Variants in TMC7 observed in about 807,000 individuals in gnomAD.
The protein encoded by TMC7 is transmembrane channel-like protein 7.
A neutral mutation model predicts 82.9 loss-of-function variants in TMC7; 54 were observed. The observed-to-expected ratio is 0.65, with a 90% confidence interval of 0.52 to 0.82. The LOEUF (loss-of-function observed/expected upper bound fraction) is 0.82. TMC7 is among the 40% of genes least tolerant of loss of function. The probability of loss-of-function intolerance (pLI) is 0.00; values close to 1 mark genes in which losing one functional copy is unlikely to be tolerated. For synonymous variants in TMC7, 350 were observed against 337.9 expected (o/e 1.04, Z -0.39); for missense variants, 820 against 901.2 (o/e 0.91, Z 1.15).
chr16:18,991,988 G>GTCTAT (rs112973285), intron 1 of TMC7, among the ~76,000 whole-genome samples: 4,842 of 152,208 alleles, frequency 0.032, 249 homozygotes, highest in African/African-American at 0.11. Flanking sequence ...TCTTAATCCA[G>GTCTAT]TCTATCATTG....
chr16:18,994,362 G>A (rs975298429), intron 1 of TMC7, among the ~76,000 whole-genome samples: 2 of 151,974 alleles, frequency 1.3e-5, no homozygotes, highest in Non-Finnish European at 2.9e-5. Context: ...TGGACAGAAA[G>A]GCTACAGGGC....
At chr16:18,989,284 G>T (rs1767201476) in intron 1 of TMC7, among the ~76,000 whole-genome samples, 1 of 152,114 alleles carries the variant, frequency 6.6e-6, no homozygotes, top group African/African-American at 2.4e-5. Flanking sequence ...TTGCAGGCTG[G>T]ATTCGTTCTC....
intron 1 of TMC7, among the ~76,000 whole-genome samples, chr16:18,985,256 C>CAAA (rs5816022): frequency 1.5e-5 from 2 of 134,336 alleles, no homozygotes; most frequent in African/African-American, 5.9e-5. Context: ...AAGACTGTTT[C>CAAA]AAAAAAAAAA....
At chr16:18,984,258 T>C (rs2142098814) in intron 1 of TMC7, 128 bp downstream of exon 1, 2 of 1,340,522 alleles carry the variant, frequency 1.5e-6, no homozygotes, top group Non-Finnish European at 1.9e-6. Flanking sequence ...TGCTCCCGGC[T>C]CTGGGGAACA....
At chr16:19,017,466 A>G (rs1419573447) in intron 3 of TMC7, among the ~76,000 whole-genome samples, 2 of 151,116 alleles carry the variant, frequency 1.3e-5, no homozygotes, top group Non-Finnish European at 2.9e-5. Context: ...TTATTTTAAA[A>G]TGTTATACTT....
At chr16:18,984,400 T>C in intron 1 of TMC7, 1 of 1,257,478 alleles carries the variant, frequency 8.0e-7, no homozygotes, top group Admixed American at 4.4e-5. Context: ...GTCTTCCAGC[T>C]GTTGACCGAG....
At chr16:19,015,004 C>A (rs9930066) in intron 2 of TMC7, among the ~76,000 whole-genome samples, 73,175 of 151,450 alleles carry the variant, frequency 0.48, 20,585 homozygotes, top group East Asian at 0.74. Context: ...CGCTCTGTCA[C>A]CCAGGCTGGA....
chr16:18,984,159 C>G lies in TMC7; in HGVS notation c.67+29C>G, dbSNP rs571719469. ...GGGCGGCAGGGAGCGCGCGCGGGGA[C>G]GGTGCCCCTGGGGTCCGAGGGCGCA... On this transcript the variant is annotated intron_variant, in intron 1 of 15. Transcript: ENST00000304381. 39 of 1,485,280 alleles carry G rather than the reference C, an allele frequency of 2.6e-5. No homozygotes were observed. The African/African-American group carries it at 3.1e-4, about 12-fold the overall frequency. 92.0% of individuals were successfully genotyped at this position (1,485,280 alleles called of 1,614,324 possible).
rs1962036951 is a variant in TMC7 at position 19,062,186 on chromosome 16, G to A, written c.*343G>A. 4.5e-6 allele frequency: 1 copy of A among 221,850 alleles called. No homozygotes were observed. The highest frequency in any genetic ancestry group is 2.3e-5 in the African/African-American group (1 of 44,108). 13.7% of individuals were successfully genotyped at this position (221,850 alleles called of 1,614,324 possible). On this transcript the variant is annotated 3_prime_UTR_variant, in exon 16 of 16. Transcript: ENST00000304381. ...GAGTTTATGTGCACAAGTGTTTTGG[G>A]TTGTGGACTGAAGCTCAGCCTGTTA... is the stretch of plus-strand genomic sequence containing the variant.
rs1336230782 is a variant in TMC7 at position 19,063,413 on chromosome 16, C to T, written c.*1570C>T. On this transcript the variant is annotated 3_prime_UTR_variant, in exon 16 of 16. Transcript: ENST00000304381. ...ACTAAAAGTACAAAAATTAGCCAGG[C>T]ATGGTGGCGTGTGCCTGTAATCCCA... The T allele has an allele frequency of 1.3e-5, 2 of 152,188 alleles. No homozygotes were observed. The highest frequency in any genetic ancestry group is 2.9e-5 in the Non-Finnish European group (2 of 68,112). 9.4% of individuals were successfully genotyped at this position (152,188 alleles called of 1,614,324 possible).
chr16:18,993,326 G>A (rs1466895117), intron 1 of TMC7, among the ~76,000 whole-genome samples: 1 of 152,308 alleles, frequency 6.6e-6, no homozygotes. Context: ...GAAATGAGAA[G>A]TTTTAAGAGG....
chr16:19,047,338 C>A, intron 12 of TMC7, 89 bp downstream of exon 12: 2 of 1,078,872 alleles, frequency 1.9e-6, no homozygotes, highest in South Asian at 1.7e-5. Flanking sequence ...CCTCACATCC[C>A]ATGAGACGTA....
chr16:18,984,164 C>G, intron 1 of TMC7, 34 bp downstream of exon 1: 1 of 1,475,422 alleles, frequency 6.8e-7, no homozygotes, highest in Non-Finnish European at 8.9e-7. Context: ...GGGGACGGTG[C>G]CCCTGGGGTC....
At chr16:18,991,714 T>C (rs1013738775) in intron 1 of TMC7, among the ~76,000 whole-genome samples, 1 of 152,128 alleles carries the variant, frequency 6.6e-6, no homozygotes, top group Non-Finnish European at 1.5e-5. Context: ...TAGGTGTATC[T>C]CCTAATGCTA....
At chr16:19,039,534 T>C (rs1021585300) in intron 8 of TMC7, among the ~76,000 whole-genome samples, 2 of 152,182 alleles carry the variant, frequency 1.3e-5, no homozygotes, top group African/African-American at 4.8e-5. Flanking sequence ...CTTCCACTTA[T>C]ATCCCCTTGG....
At position 18,988,156 on chromosome 16, in the gene TMC7, C is replaced by CT. The variant is rs760359195; in HGVS notation, c.67+4044dup. ...GTTAATTTTCTTTTCTTCTCTCTTT[C>CT]TTTTTTTTTTTTTTTTTTGATGGAG... On this transcript the variant is annotated intron_variant, in intron 1 of 15. Coordinates refer to ENST00000304381, the MANE Select transcript of TMC7 (RefSeq NM_024847.4). Among the ~76,000 whole-genome samples, 620 of 128,956 alleles carry CT rather than the reference C, an allele frequency of 4.8e-3. 3 individuals are homozygous for CT. Among genetic ancestry groups the CT allele is most frequent in the African/African-American group, 9.6e-3 (331 of 34,496 alleles). The allele number at this position is 128,956 out of a possible 152,430, so 84.6% of individuals were successfully genotyped here. A position where few individuals can be genotyped will look rare whatever the true frequency, so the allele number is the denominator to read the frequency against.
rs552173532 is a variant in TMC7, at chr16:19,036,013, C to T, written c.1005+190C>T. Among the ~76,000 whole-genome samples the T allele has an allele frequency of 6.6e-5, 10 of 152,256 alleles. No individual in the cohort carries two copies. The South Asian group carries it at 2.1e-3, about 32-fold the overall frequency. ...GTTACTGGGGTTGATTACCCTAGACCTGAACAGGAGCACTGGTGAACTGGG... is the reference window on the plus strand; with the variant it reads ...GTTACTGGGGTTGATTACCCTAGACTTGAACAGGAGCACTGGTGAACTGGG... On this transcript the variant is annotated intron_variant, in intron 7 of 15. Transcript: ENST00000304381.
At chr16:19,003,711 C>G (rs2039183934) in intron 1 of TMC7, among the ~76,000 whole-genome samples, 2 of 100,728 alleles carry the variant, frequency 2.0e-5, no homozygotes, top group Non-Finnish European at 4.0e-5. Flanking sequence ...GCCTTGGGAT[C>G]CTGTTGATCT....
chr16:18,985,453 G>A (rs1482292891), intron 1 of TMC7, among the ~76,000 whole-genome samples: 1 of 152,132 alleles, frequency 6.6e-6, no homozygotes, highest in Admixed American at 6.6e-5. Context: ...TATGTCAGCT[G>A]AATTTCAGCC....
Sources: gnomAD v4.1 joint callset for allele counts (sites outside exome capture counted in the v4.1 genomes callset) on GRCh38, gnomAD v4.1.1 for gene constraint, MANE v1.5 for transcripts, NCBI Gene and HGNC (gene_info 2026-07-23, HGNC 2026-07-21) for gene names.